Variants in LRFN5 observed in about 807,000 individuals in gnomAD.
The protein encoded by LRFN5 is leucine-rich repeat and fibronectin type-III domain-containing protein 5.
LRFN5 carries 24 observed loss-of-function variants against 45.6 expected under a neutral mutation model. The observed-to-expected ratio is 0.53, with a 90% CI of 0.38 to 0.74. The LOEUF (loss-of-function observed/expected upper bound fraction) is 0.74, where lower values mean the gene tolerates loss of function less well. LRFN5 is among the 30% of genes least tolerant of loss of function. The probability of loss-of-function intolerance (pLI) is 0.00; values close to 1 mark genes in which losing one functional copy is unlikely to be tolerated. For missense variants in LRFN5, 776 were observed against 861.5 expected (o/e 0.90, Z 1.24); for synonymous variants, 340 against 313.8 (o/e 1.08, Z -0.88).
chr14:41,695,870 A>G (rs756993239), intron 1 of LRFN5, among the ~76,000 whole-genome samples: 2 of 151,954 alleles, frequency 1.3e-5, no homozygotes, highest in African/African-American at 2.4e-5. Context: ...GTACTTTCAA[A>G]CTTTGTCTTA....
intron 1 of LRFN5, among the ~76,000 whole-genome samples, chr14:41,732,653 GTTA>G (rs1298863928): frequency 6.6e-6 from 1 of 151,594 alleles, no homozygotes; most frequent in Non-Finnish European, 1.5e-5. Flanking sequence ...ATATTCTAGG[GTTA>G]TTATATAATT....
intron 2 of LRFN5, among the ~76,000 whole-genome samples, chr14:41,769,684 T>G (rs1429657127): frequency 1.3e-5 from 2 of 152,196 alleles, no homozygotes; most frequent in African/African-American, 4.8e-5. Flanking sequence ...GGTGCTTTAT[T>G]TTTCTGAAAT....
intron 2 of LRFN5, among the ~76,000 whole-genome samples, chr14:41,872,726 C>T (rs1045495705): frequency 6.6e-6 from 1 of 152,164 alleles, no homozygotes; most frequent in Admixed American, 6.6e-5. Context: ...AAGTTCTCAA[C>T]ATTTTCGCTT....
intron 2 of LRFN5, among the ~76,000 whole-genome samples, chr14:41,791,592 A>T (rs1428419916): frequency 6.6e-6 from 1 of 152,062 alleles, no homozygotes; most frequent in Admixed American, 6.6e-5. Context: ...TCAAGACTGA[A>T]TAGTACTTAG....
At chr14:41,839,525 C>G (rs1888786625) in intron 2 of LRFN5, among the ~76,000 whole-genome samples, 1 of 152,068 alleles carries the variant, frequency 6.6e-6, no homozygotes, top group South Asian at 2.1e-4. Context: ...AACCTGGTAG[C>G]AGCTATCTTA....
intron 4 of LRFN5, chr14:41,893,799 C>G: frequency 1.0e-6 from 1 of 985,328 alleles, no homozygotes; most frequent in Non-Finnish European, 1.2e-6. Context: ...TTTGCTAAAT[C>G]CCTTCTCTGC....
Position 41,821,859 on chromosome 14 carries a change from G to T in LRFN5, c.-21+54830G>T, listed in dbSNP as rs553498973. The stretch of plus-strand genomic sequence containing the variant: ...TACTACTCATTATTTGTCTACTCAA[G>T]TTTTCTATTTCTTTCTGGTTCAGTC... On this transcript the variant is annotated intron_variant, in intron 2 of 5. Transcript: ENST00000298119. Among the ~76,000 whole-genome samples, 253 of 151,582 alleles carry T rather than the reference G, an allele frequency of 1.7e-3. 2 individuals are homozygous for T. Among genetic ancestry groups the T allele is most frequent in the African/African-American group, 5.8e-3 (241 of 41,380 alleles).
intron 2 of LRFN5, among the ~76,000 whole-genome samples, chr14:41,844,202 C>T (rs1280872639): frequency 2.6e-5 from 4 of 152,098 alleles, no homozygotes; most frequent in Admixed American, 1.3e-4. Context: ...CTTTGGGAGG[C>T]CAAGGTGGGC....
chr14:41,786,522 T>C lies in LRFN5; in HGVS notation c.-21+19493T>C, dbSNP rs373890203. On this transcript the variant is annotated intron_variant, in intron 2 of 5. Coordinates refer to ENST00000298119, the MANE Select transcript of LRFN5 (RefSeq NM_152447.5). ...TAGTGTATGTGTTTTTCTAGCTGTA[T>C]TTGAATTTTCCTCTTTATGAGTTTT... is the stretch of plus-strand genomic sequence containing the variant. 2.0e-5 allele frequency among the ~76,000 whole-genome samples: 3 copies of C among 147,762 alleles called. No homozygotes were observed. The East Asian group carries it at 6.2e-4, about 30-fold the overall frequency.
At chr14:41,848,443 T>C (rs538049713) in intron 2 of LRFN5, among the ~76,000 whole-genome samples, 1 of 151,922 alleles carries the variant, frequency 6.6e-6, no homozygotes, top group South Asian at 2.1e-4. Context: ...AATGGGGCAA[T>C]TGAGTTGTAC....
Position 41,856,677 on chromosome 14 carries a change from T to TTTTTTTTTTTTTTA in LRFN5, c.-20-29916_-20-29915insATTTTTTTTTTTTT, listed in dbSNP as rs1889475211. Among the ~76,000 whole-genome samples, 2 of 14,362 alleles carry TTTTTTTTTTTTTTA rather than the reference T, an allele frequency of 1.4e-4. 1 individual carries two copies. Among genetic ancestry groups the TTTTTTTTTTTTTTA allele is most frequent in the Non-Finnish European group, 4.0e-4 (2 of 5,048 alleles). 9.4% of individuals were successfully genotyped at this position (14,362 alleles called of 152,430 possible). ...CTTTCCTAATTATTATTATTATTAT[T>TTTTTTTTTTTTTTA]TTTTTTTTTTTTTTTTTGAGACGGA... On this transcript the variant is annotated intron_variant, in intron 2 of 5. Coordinates refer to ENST00000298119, the MANE Select transcript of LRFN5 (RefSeq NM_152447.5).
intron 2 of LRFN5, among the ~76,000 whole-genome samples, chr14:41,788,678 A>C (rs111606324): frequency 9.5e-4 from 145 of 152,202 alleles, no homozygotes; most frequent in African/African-American, 3.2e-3. Context: ...TGCTTTACTA[A>C]CTAGCCTTTA....
chr14:41,763,958 G>A (rs942128738), intron 1 of LRFN5, among the ~76,000 whole-genome samples: 1 of 152,130 alleles, frequency 6.6e-6, no homozygotes, highest in African/African-American at 2.4e-5. Context: ...TGCTAAGAAT[G>A]TAACAACTTG....
At chr14:41,679,346 T>C (rs537532018) in intron 1 of LRFN5, among the ~76,000 whole-genome samples, 2 of 152,076 alleles carry the variant, frequency 1.3e-5, no homozygotes, top group East Asian at 3.9e-4. Context: ...TGTGAGAGAC[T>C]CCTTCATTCT....
At chr14:41,775,534 T>A (rs890677374) in intron 2 of LRFN5, among the ~76,000 whole-genome samples, 3 of 152,204 alleles carry the variant, frequency 2.0e-5, no homozygotes, top group African/African-American at 7.2e-5. Context: ...AGCTTTCACA[T>A]ACTGTTTAAT....
At chr14:41,891,983 G>A (rs1449871672) in intron 4 of LRFN5, 21 bp downstream of exon 4, 1 of 1,604,806 alleles carries the variant, frequency 6.2e-7, no homozygotes, top group Non-Finnish European at 8.5e-7. Flanking sequence ...CACTTTGCCT[G>A]CTGAGAGATC....
intron 1 of LRFN5, among the ~76,000 whole-genome samples, chr14:41,658,658 A>C (rs1427631903): frequency 1.3e-5 from 2 of 151,926 alleles, no homozygotes; most frequent in African/African-American, 2.4e-5. Flanking sequence ...CATTACATCT[A>C]CTTTGAAATT....
At chr14:41,673,338 CG>C (rs1222243508) in intron 1 of LRFN5, among the ~76,000 whole-genome samples, 2 of 143,860 alleles carry the variant, frequency 1.4e-5, no homozygotes, top group Non-Finnish European at 1.6e-5. Context: ...GCTGGCCGGG[CG>C]GGGGGCTGAC....
intron 1 of LRFN5, among the ~76,000 whole-genome samples, chr14:41,725,862 A>G (rs970719292): frequency 6.6e-6 from 1 of 152,152 alleles, no homozygotes; most frequent in African/African-American, 2.4e-5. Flanking sequence ...TTAACTCTCC[A>G]ATTTTATATT....
Sources: gnomAD v4.1 joint callset for allele counts (sites outside exome capture counted in the v4.1 genomes callset) on GRCh38, gnomAD v4.1.1 for gene constraint, MANE v1.5 for transcripts, NCBI Gene and HGNC (gene_info 2026-07-23, HGNC 2026-07-21) for gene names.